ADGRL3: variants seen among roughly 807,000 people sequenced by gnomAD.
ADGRL3 encodes the protein adhesion G protein-coupled receptor L3.
ADGRL3 carries 62 observed loss-of-function variants against 153.5 expected under a neutral mutation model. The ratio of observed to expected loss-of-function variants is 0.40; its 90% CI spans 0.33 to 0.50. The LOEUF (loss-of-function observed/expected upper bound fraction) is 0.50. Among genes scored for constraint, ADGRL3 ranks in the 20% least tolerant of loss-of-function variants. The pLI is 0.47. For missense variants in ADGRL3, 1,641 were observed against 1,859.4 expected (o/e 0.88, Z 2.16); for synonymous variants, 710 against 672.5 (o/e 1.06, Z -0.86).
chr4:61,705,744 G>A (rs1451504871), intron 6 of ADGRL3, among the ~76,000 whole-genome samples: 2 of 151,962 alleles, frequency 1.3e-5, no homozygotes, highest in Admixed American at 6.6e-5. Flanking sequence ...GGCAATCCGC[G>A]CTCCCTCCTT....
intron 21 of ADGRL3, among the ~76,000 whole-genome samples, chr4:62,023,283 A>C (rs1354696027): frequency 6.6e-6 from 1 of 152,188 alleles, no homozygotes; most frequent in Non-Finnish European, 1.5e-5. Flanking sequence ...CAATCTCATC[A>C]TCAAATTTTA....
intron 2 of ADGRL3, among the ~76,000 whole-genome samples, chr4:61,465,758 A>ATATATAT (rs2097871895): frequency 7.7e-5 from 10 of 130,176 alleles, no homozygotes; most frequent in Non-Finnish European, 9.6e-5. Context: ...ATTATATATA[A>ATATATAT]ATATATATAT....
intron 8 of ADGRL3, among the ~76,000 whole-genome samples, chr4:61,746,332 G>C (rs1211102022): frequency 6.6e-6 from 1 of 152,164 alleles, no homozygotes; most frequent in Non-Finnish European, 1.5e-5. Context: ...CCCAGGAATT[G>C]AAGTCAGCTC....
intron 1 of ADGRL3, among the ~76,000 whole-genome samples, chr4:61,282,765 T>C (rs2093776531): frequency 6.6e-6 from 1 of 152,054 alleles, no homozygotes; most frequent in African/African-American, 2.4e-5. Flanking sequence ...ATAGCACTGA[T>C]AAAAAATAAA....
intron 7 of ADGRL3, 133 bp downstream of exon 7, chr4:61,730,769 C>T (rs2096426992): frequency 1.5e-5 from 4 of 269,824 alleles, no homozygotes; most frequent in Admixed American, 5.5e-5. Flanking sequence ...TTCTGCTGCT[C>T]AACTTCACTT....
chr4:62,001,599 TA>T (rs1437033675), intron 21 of ADGRL3, among the ~76,000 whole-genome samples: 1 of 152,012 alleles, frequency 6.6e-6, no homozygotes, highest in Non-Finnish European at 1.5e-5. Context: ...GCATAATTGC[TA>T]AAGAAAAAAG....
intron 25 of ADGRL3, among the ~76,000 whole-genome samples, chr4:62,061,867 A>G (rs544834503): frequency 2.4e-4 from 36 of 152,148 alleles, no homozygotes; most frequent in African/African-American, 8.2e-4. Context: ...CACCAGTTGA[A>G]GGAAATTTGG....
At chr4:61,341,402 A>G (rs1182706764) in intron 1 of ADGRL3, among the ~76,000 whole-genome samples, 1 of 151,862 alleles carries the variant, frequency 6.6e-6, no homozygotes, top group Non-Finnish European at 1.5e-5. Flanking sequence ...AATAAAAAGT[A>G]TGAACCTCGA....
intron 9 of ADGRL3, among the ~76,000 whole-genome samples, chr4:61,828,286 G>C (rs940132074): frequency 2.0e-5 from 3 of 152,098 alleles, no homozygotes; most frequent in Admixed American, 6.6e-5. Flanking sequence ...ACCATCCTAA[G>C]ACACAACACA....
At chr4:61,467,980 G>C (rs1251204526) in intron 2 of ADGRL3, among the ~76,000 whole-genome samples, 2 of 151,966 alleles carry the variant, frequency 1.3e-5, no homozygotes, top group South Asian at 4.1e-4. Flanking sequence ...TCTTTTATTT[G>C]TGTGCTAGGG....
At chr4:61,840,435 A>G (rs1475817317) in intron 9 of ADGRL3, among the ~76,000 whole-genome samples, 1 of 152,238 alleles carries the variant, frequency 6.6e-6, no homozygotes, top group East Asian at 1.9e-4. Context: ...TCCTATTGAC[A>G]TATAACGAAA....
intron 8 of ADGRL3, among the ~76,000 whole-genome samples, chr4:61,758,722 A>T (rs6812376): frequency 0.087 from 13,216 of 152,134 alleles, 1,210 homozygotes; most frequent in African/African-American, 0.23. Context: ...TCTTGTCATT[A>T]TGATGTTAGC....
At chr4:61,290,802 G>A (rs1249041644) in intron 1 of ADGRL3, among the ~76,000 whole-genome samples, 2 of 152,034 alleles carry the variant, frequency 1.3e-5, no homozygotes, top group East Asian at 3.9e-4. Context: ...TTTACAATGT[G>A]TTAGGCCCTG....
chr4:61,467,443 T>C (rs1032926946), intron 2 of ADGRL3, among the ~76,000 whole-genome samples: 1 of 151,790 alleles, frequency 6.6e-6, no homozygotes, highest in African/African-American at 2.4e-5. Flanking sequence ...AAAGAACAAG[T>C]TAATGAGAAG....
intron 11 of ADGRL3, among the ~76,000 whole-genome samples, chr4:61,898,244 A>G (rs1018562406): frequency 3.3e-5 from 5 of 152,052 alleles, no homozygotes; most frequent in Admixed American, 1.3e-4. Context: ...GGTACCCAAC[A>G]TAGTCCTTGG....
intron 9 of ADGRL3, among the ~76,000 whole-genome samples, chr4:61,818,051 TA>T (rs2097708120): frequency 6.6e-6 from 1 of 152,126 alleles, no homozygotes; most frequent in Admixed American, 6.5e-5. Context: ...ACAGTTCCCC[TA>T]AAGTCTTAAC....
chr4:61,801,258 G>T (rs1469276258), intron 8 of ADGRL3, among the ~76,000 whole-genome samples: 1 of 151,872 alleles, frequency 6.6e-6, no homozygotes, highest in Admixed American at 6.6e-5. Flanking sequence ...AATGGCTTTT[G>T]GTAGGTATAT....
intron 2 of ADGRL3, among the ~76,000 whole-genome samples, chr4:61,402,234 G>T (rs527905587): frequency 4.3e-4 from 65 of 152,174 alleles, no homozygotes; most frequent in Middle Eastern, 6.8e-3. Context: ...TCTATTGGAT[G>T]TCCTGTTTTG....
chr4:61,648,211 C>G (rs936219026), intron 5 of ADGRL3, among the ~76,000 whole-genome samples: 1 of 151,862 alleles, frequency 6.6e-6, no homozygotes, highest in Non-Finnish European at 1.5e-5. Context: ...AAGCTGTATG[C>G]TATTTGACTC....
Sources: gnomAD v4.1 joint callset for allele counts (sites outside exome capture counted in the v4.1 genomes callset) on GRCh38, gnomAD v4.1.1 for gene constraint, MANE v1.5 for transcripts, NCBI Gene and HGNC (gene_info 2026-07-23, HGNC 2026-07-21) for gene names.